TENM2: variants seen among roughly 807,000 people sequenced by gnomAD.
TENM2 encodes the protein teneurin-2.
TENM2 carries 52 observed loss-of-function variants against 245.2 expected under a neutral mutation model. The observed-to-expected ratio is 0.21, with a 90% CI of 0.17 to 0.27. The LOEUF (loss-of-function observed/expected upper bound fraction) is 0.27, where lower values mean the gene tolerates loss of function less well. Ranked by LOEUF, TENM2 falls within the 10% of genes least tolerant of loss-of-function variation. TENM2 has a pLI of 1.00. For missense variants in TENM2, 3,046 were observed against 3,666.8 expected (o/e 0.83, Z 4.37); for synonymous variants, 1,363 against 1,438.9 (o/e 0.95, Z 1.19).
chr5:167,682,124 C>CCCTG (rs1169883905), intron 2 of TENM2, among the ~76,000 whole-genome samples: 19 of 119,976 alleles, frequency 1.6e-4, no homozygotes, highest in African/African-American at 4.6e-4. Flanking sequence ...CTCCCTCCCT[C>CCCTG]CCTGCCTGCC....
At chr5:167,529,177 G>A (rs1026926507) in intron 2 of TENM2, among the ~76,000 whole-genome samples, 4 of 151,830 alleles carry the variant, frequency 2.6e-5, no homozygotes, top group African/African-American at 9.7e-5. Context: ...TAAGTGAAGT[G>A]TATTTTTTTT....
chr5:167,341,847 G>T (rs1180806159), intron 1 of TENM2, among the ~76,000 whole-genome samples: 2 of 152,082 alleles, frequency 1.3e-5, no homozygotes, highest in Admixed American at 1.3e-4. Flanking sequence ...ATTAAGGAGA[G>T]AAAAAATAAG....
chr5:167,220,482 A>C, the TENM2 span, among the ~76,000 whole-genome samples: 1 of 152,156 alleles, frequency 6.6e-6, no homozygotes, highest in African/African-American at 2.4e-5. Flanking sequence ...ATTTTATTTT[A>C]CTGCTCACAT....
intron 2 of TENM2, among the ~76,000 whole-genome samples, chr5:167,815,514 C>T (rs1766978503): frequency 6.6e-6 from 1 of 152,148 alleles, no homozygotes; most frequent in Non-Finnish European, 1.5e-5. Flanking sequence ...ACAATTGTGT[C>T]TGACCAAGAG....
At chr5:167,283,329 G>A (rs1019970640), upstream of TENM2, among the ~76,000 whole-genome samples, 63 of 151,910 alleles carry the variant, frequency 4.1e-4, no homozygotes, top group Admixed American at 6.6e-5. Flanking sequence ...GAGCCACCGC[G>A]CCCAGCCAAT....
chr5:167,946,909 C>T (rs990706111), intron 3 of TENM2, among the ~76,000 whole-genome samples: 5 of 152,090 alleles, frequency 3.3e-5, no homozygotes, highest in Admixed American at 3.3e-4. Context: ...CAGCCATGGA[C>T]AATATTATTG....
At chr5:167,236,052 T>C in the TENM2 span, among the ~76,000 whole-genome samples, 1 of 152,122 alleles carries the variant, frequency 6.6e-6, no homozygotes, top group African/African-American at 2.4e-5. Flanking sequence ...AGTTTTAAAA[T>C]CTCTACTCAG....
rs746708581 is a variant in TENM2 at position 167,892,884 on chromosome 5, T to C, written c.712+16689T>C. On this transcript the variant is annotated intron_variant, in intron 3 of 28. Transcript: ENST00000518659. ...ATGTGTGGAAAAAAATACCTCTCCA[T>C]TGCACAATGAGAAGTGGACATGCAA... Among the ~76,000 whole-genome samples the C allele has an allele frequency of 2.6e-5, 4 of 152,294 alleles. No homozygotes were observed. The East Asian group carries it at 7.7e-4, about 29-fold the overall frequency.
Position 168,236,164 on chromosome 5 carries a change from C to T in TENM2, c.5520+8034C>T, listed in dbSNP as rs558428892. Reference sequence around the variant, plus strand: ...ACAGAAGTCTTCTGCAGATTATCCACCCGGTACATGCAAATGAGCCCTCAT... The same window carrying T: ...ACAGAAGTCTTCTGCAGATTATCCATCCGGTACATGCAAATGAGCCCTCAT... On this transcript the variant is annotated intron_variant, in intron 25 of 28. Coordinates refer to ENST00000518659, the Ensembl canonical transcript of TENM2. 1.4e-4 allele frequency among the ~76,000 whole-genome samples: 22 copies of T among 152,334 alleles called. No individual in the cohort carries two copies. The South Asian group carries it at 4.6e-3, about 32-fold the overall frequency.
chr5:167,243,165 A>G, the TENM2 span, among the ~76,000 whole-genome samples: 1 of 152,176 alleles, frequency 6.6e-6, no homozygotes, highest in Non-Finnish European at 1.5e-5. Context: ...ATCAGATGAA[A>G]GTAAGGAGGG....
chr5:168,010,663 T>C (rs1427618828), intron 5 of TENM2, among the ~76,000 whole-genome samples: 2 of 152,164 alleles, frequency 1.3e-5, no homozygotes, highest in African/African-American at 2.4e-5. Flanking sequence ...TGATGAAGGA[T>C]AAGGAGAGAT....
chr5:167,071,176 A>C, the TENM2 span, among the ~76,000 whole-genome samples: 2 of 152,192 alleles, frequency 1.3e-5, no homozygotes, highest in Admixed American at 1.3e-4. Flanking sequence ...TTTTTTAAAA[A>C]ATTCAACCCA....
chr5:167,534,371 A>G (rs1256027011), intron 2 of TENM2, among the ~76,000 whole-genome samples: 1 of 152,212 alleles, frequency 6.6e-6, no homozygotes, highest in East Asian at 1.9e-4. Context: ...CTGCAAAAAC[A>G]TAAGACTCCA....
the TENM2 span, among the ~76,000 whole-genome samples, chr5:167,105,093 A>G: frequency 1.3e-5 from 2 of 152,200 alleles, no homozygotes; most frequent in African/African-American, 4.8e-5. Context: ...TCAGACACGT[A>G]TTTCAAGGTA....
chr5:167,388,701 G>A (rs1214939227), intron 2 of TENM2, among the ~76,000 whole-genome samples: 5 of 151,998 alleles, frequency 3.3e-5, no homozygotes, highest in Non-Finnish European at 7.4e-5. Flanking sequence ...GATAGGTTGT[G>A]TCAGGTCATT....
At chr5:167,359,004 T>A (rs1201474158) in intron 1 of TENM2, among the ~76,000 whole-genome samples, 1 of 152,174 alleles carries the variant, frequency 6.6e-6, no homozygotes, top group Non-Finnish European at 1.5e-5. Flanking sequence ...CCCGACACTC[T>A]TTCCATCCGG....
chr5:167,770,840 G>C (rs1276822561), intron 2 of TENM2, among the ~76,000 whole-genome samples: 4 of 152,160 alleles, frequency 2.6e-5, no homozygotes, highest in African/African-American at 9.7e-5. Flanking sequence ...CTAAGACTCA[G>C]AGGGGGGCTT....
At chr5:168,012,734 G>C (rs1785331966) in intron 5 of TENM2, among the ~76,000 whole-genome samples, 1 of 122,002 alleles carries the variant, frequency 8.2e-6, no homozygotes, top group Non-Finnish European at 1.6e-5. Context: ...CAGTGTTTCA[G>C]TTAGGGATAC....
intron 7 of TENM2, among the ~76,000 whole-genome samples, chr5:168,084,597 G>T (rs928850235): frequency 2.0e-5 from 3 of 152,222 alleles, no homozygotes; most frequent in Non-Finnish European, 4.4e-5. Context: ...GAGATCAGGA[G>T]AAAGAATAGG....
Sources: gnomAD v4.1 joint callset for allele counts (sites outside exome capture counted in the v4.1 genomes callset) on GRCh38, gnomAD v4.1.1 for gene constraint, MANE v1.5 for transcripts, NCBI Gene and HGNC (gene_info 2026-07-23, HGNC 2026-07-21) for gene names.